Variants in ABL1 observed in about 807,000 individuals in gnomAD.
The protein encoded by ABL1 is tyrosine-protein kinase ABL1.
ABL1 carries 11 observed loss-of-function variants against 94.7 expected under a neutral mutation model. The ratio of observed to expected loss-of-function variants is 0.12; its 90% CI spans 0.07 to 0.19. The LOEUF (loss-of-function observed/expected upper bound fraction) is 0.19. Among genes scored for constraint, ABL1 ranks in the 10% least tolerant of loss-of-function variants. The pLI is 1.00. For synonymous variants in ABL1, 656 were observed against 622.4 expected (o/e 1.05, Z -0.80); for missense variants, 1,082 against 1,489.4 (o/e 0.73, Z 4.50).
At chr9:130,790,090 C>T (rs1324660186) in intron 1 of ABL1, among the ~76,000 whole-genome samples, 1 of 152,208 alleles carries the variant, frequency 6.6e-6, no homozygotes, top group African/African-American at 2.4e-5. Context: ...AACGGAGGCC[C>T]ATAGGCCATG....
intron 7 of ABL1, among the ~76,000 whole-genome samples, chr9:130,877,452 G>A (rs1001240927): frequency 3.4e-5 from 5 of 148,154 alleles, no homozygotes; most frequent in African/African-American, 1.3e-4. Flanking sequence ...TAGGCACAGA[G>A]CTGGTTGGTC....
rs1193750471 is a variant in ABL1, at chr9:130,863,401, ATC to A, written c.822+370_822+371del. Among the ~76,000 whole-genome samples the A allele has an allele frequency of 1.3e-5, 2 of 152,134 alleles. No homozygotes were observed. The highest frequency in any genetic ancestry group is 4.8e-5 in the African/African-American group (2 of 41,418). ...ACCGAGAGTTAAGGAGGAAAAAAAG[ATC>A]TCTGAGTTTTGAAAGAAGATTTAAC... On this transcript the variant is annotated intron_variant, in intron 4 of 10. Transcript: ENST00000318560. This position sits in a 1 kb window ranked among gnomAD's most constrained non-coding sequence, Gnocchi z 4.3.
chr9:130,762,060 T>G (rs987468327), intron 1 of ABL1, among the ~76,000 whole-genome samples: 1 of 151,172 alleles, frequency 6.6e-6, no homozygotes, highest in African/African-American at 2.4e-5. Context: ...GGAGAATCAC[T>G]TGAACCTGGG....
chr9:130,763,342 A>G (rs1327419062), intron 1 of ABL1, among the ~76,000 whole-genome samples: 2 of 146,316 alleles, frequency 1.4e-5, no homozygotes, highest in Non-Finnish European at 3.1e-5. Flanking sequence ...CATTTAATTA[A>G]TTCCATTTAT....
chr9:130,742,688 A>G (rs1344567049), intron 1 of ABL1, among the ~76,000 whole-genome samples: 1 of 152,216 alleles, frequency 6.6e-6, no homozygotes, highest in East Asian at 1.9e-4. Context: ...GGTGGTTCCC[A>G]TTATATAGAG....
chr9:130,880,451 A>G lies in ABL1; in HGVS notation c.1514-49A>G. 1 of 1,606,612 alleles carries G rather than the reference A, an allele frequency of 6.2e-7. No individual in the cohort carries two copies. Among genetic ancestry groups the G allele is most frequent in the Non-Finnish European group, 8.5e-7 (1 of 1,174,888 alleles). On this transcript the variant is annotated intron_variant, in intron 9 of 10. Coordinates refer to ENST00000318560, the MANE Select transcript of ABL1 (RefSeq NM_005157.6). This position sits in a 1 kb window ranked among gnomAD's most constrained non-coding sequence, Gnocchi z 4.4. ...AGAACCACCACACCAAGCCAACACC[A>G]GTACTGATGGCTGCTGGATTTTTGT...
At chr9:130,774,229 T>TA (rs1832286780) in intron 1 of ABL1, among the ~76,000 whole-genome samples, 1 of 152,240 alleles carries the variant, frequency 6.6e-6, no homozygotes, top group South Asian at 2.1e-4. Flanking sequence ...CTAGAACACA[T>TA]ATGAACATAT....
At position 130,880,322 on chromosome 9, in the gene ABL1, G is replaced by A. The variant is rs970477829; in HGVS notation, c.1513+165G>A. On this transcript the variant is annotated intron_variant, in intron 9 of 10. Coordinates refer to ENST00000318560, the MANE Select transcript of ABL1 (RefSeq NM_005157.6). This position sits in a 1 kb window ranked among gnomAD's most constrained non-coding sequence, Gnocchi z 4.4. ...GGAGTATTGTGCTTTCTTGTCTGCTGCAGCCCTGCAGAGTTCTAAGAAATG... is the reference window on the plus strand; with the variant it reads ...GGAGTATTGTGCTTTCTTGTCTGCTACAGCCCTGCAGAGTTCTAAGAAATG... 2.0e-5 allele frequency among the ~76,000 whole-genome samples: 3 copies of A among 152,212 alleles called. No individual in the cohort carries two copies. The highest frequency in any genetic ancestry group is 1.9e-4 in the East Asian group (1 of 5,198).
chr9:130,859,735 C>G (rs543363455), intron 3 of ABL1, among the ~76,000 whole-genome samples: 2 of 117,230 alleles, frequency 1.7e-5, no homozygotes, highest in Non-Finnish European at 3.3e-5. Flanking sequence ...GGCTGGAGTA[C>G]AGTGGCACAA....
At chr9:130,857,327 C>T (rs1293867639) in intron 3 of ABL1, among the ~76,000 whole-genome samples, 6 of 152,216 alleles carry the variant, frequency 3.9e-5, no homozygotes, top group Admixed American at 1.3e-4. Context: ...TTCCCCTTAA[C>T]CCACACCAAC....
chr9:130,864,369 C>T (rs940839819), intron 4 of ABL1, among the ~76,000 whole-genome samples: 2 of 152,112 alleles, frequency 1.3e-5, no homozygotes, highest in Admixed American at 6.5e-5. Context: ...CTCAGCCTCA[C>T]GAGTAGCTGG....
In ABL1 at chr9:130,880,135, C is replaced by T; in HGVS notation, c.1491C>T (p.Phe497=). 6.2e-7 allele frequency: 1 copy of T among 1,614,108 alleles called. No homozygotes were observed. The highest frequency in any genetic ancestry group is 8.5e-7 in the Non-Finnish European group (1 of 1,180,006). Residue 497 remains phenylalanine, a synonymous_variant, in exon 9 of 11, where the codon TTC becomes TTT. Coordinates refer to ENST00000318560, the MANE Select transcript of ABL1 (RefSeq NM_005157.6). The surrounding 1 kb of genome is among the most constrained non-coding windows in gnomAD (Gnocchi z 4.4). ...TCCACCAAGCCTTTGAAACAATGTT[C>T]CAGGAATCCAGTATCTCAGACGGTA... is the stretch of plus-strand genomic sequence containing the variant. ...AEIHQAFETM[F]QESSISDEVE...
At position 130,885,252 on chromosome 9, in the gene ABL1, G is replaced by A. The variant is rs2133039469; in HGVS notation, c.2962G>A (p.Ala988Thr). 1 of 1,613,850 alleles carries A rather than the reference G, an allele frequency of 6.2e-7. No homozygotes were observed. The highest frequency in any genetic ancestry group is 8.5e-7 in the Non-Finnish European group (1 of 1,180,022). The change falls in exon 11 of 11, where the codon GCA becomes ACA. Residue 988 changes from alanine (A) to threonine (T), a missense_variant. This residue lies in a region of ABL1 where 780 missense variants were observed against 835.8 expected (regional missense o/e 0.93). Transcript: ENST00000318560. ...CCCCGTTCCCTCCACGTTGCCATCAGCATCCTCGGCCCTGGCAGGGGACCA... is the reference window on the plus strand; with the variant it reads ...CCCCGTTCCCTCCACGTTGCCATCAACATCCTCGGCCCTGGCAGGGGACCA... ...PAPVPSTLPS[A>T]SSALAGDQPS...
At chr9:130,741,478 C>T (rs1831817466) in intron 1 of ABL1, among the ~76,000 whole-genome samples, 1 of 151,902 alleles carries the variant, frequency 6.6e-6, no homozygotes, top group African/African-American at 2.4e-5. Flanking sequence ...AATTATAGCA[C>T]TGGTATACCA....
chr9:130,823,257 G>A (rs1361820351), intron 1 of ABL1, among the ~76,000 whole-genome samples: 4 of 152,072 alleles, frequency 2.6e-5, no homozygotes, highest in Non-Finnish European at 4.4e-5. Flanking sequence ...CATGTTTCAC[G>A]GGGATGATTT....
Position 130,769,329 on chromosome 9 carries a change from C to CTTTTTTTTTTTTTTTTTTTTTTTTT in ABL1, c.136+54896_136+54897insTTTTTTTTTTTTTTTTTTTTTTTTT, listed in dbSNP as rs372838676. Among the ~76,000 whole-genome samples the CTTTTTTTTTTTTTTTTTTTTTTTTT allele has an allele frequency of 3.7e-4, 31 of 84,322 alleles. 1 individual carries two copies. Among genetic ancestry groups the CTTTTTTTTTTTTTTTTTTTTTTTTT allele is most frequent in the Admixed American group, 1.2e-3 (8 of 6,798 alleles). 55.3% of individuals were successfully genotyped at this position (84,322 alleles called of 152,430 possible). On this transcript the variant is annotated intron_variant, in intron 1 of 10. Transcript: ENST00000372348. ...TGGAGAGCCAAACTATGGCCCTAGT[C>CTTTTTTTTTTTTTTTTTTTTTTTTT]TTTTTTTTTTTTTTTTTTTTTTGAG...
In ABL1 at chr9:130,859,432, C is replaced by T. The variant is rs573206163; in HGVS notation, c.550-3331C>T. On this transcript the variant is annotated intron_variant, in intron 3 of 10. Coordinates refer to ENST00000318560, the MANE Select transcript of ABL1 (RefSeq NM_005157.6). The stretch of plus-strand genomic sequence containing the variant: ...AGGCGTAGGCCTCCTGGTGAAAAGC[C>T]GAGCACATGGCTAACCTGCTCTGGT... 3.9e-4 allele frequency among the ~76,000 whole-genome samples: 60 copies of T among 152,114 alleles called. No individual in the cohort carries two copies. The South Asian group carries it at 7.5e-3, about 19-fold the overall frequency.
chr9:130,846,111 TTGTG>T (rs567957717), intron 1 of ABL1, among the ~76,000 whole-genome samples: 2 of 137,652 alleles, frequency 1.5e-5, no homozygotes, highest in African/African-American at 2.6e-5. Flanking sequence ...GTGTGTGTGC[TTGTG>T]TGTGTGTGTG....
In ABL1 at chr9:130,884,764, C is replaced by T. The variant is rs1352264172; in HGVS notation, c.2474C>T (p.Ala825Val). ...CCCCTCCGGCGGCAGGTCACCGTGG[C>T]CCCTGCCTCGGGCCTCCCCCACAAG... ...PKPLRRQVTV[A>V]PASGLPHKEE... The change falls in exon 11 of 11, where the codon GCC becomes GTC. Residue 825 changes from alanine (A) to valine (V), a missense_variant. Ala to Val is a moderately conservative substitution (Grantham distance 64, BLOSUM62 0). Around this residue, in one of 7 missense-constraint regions of ABL1, gnomAD observed 780 missense variants for 835.8 expected, o/e 0.93. Transcript: ENST00000318560. The surrounding 1 kb of genome is among the most constrained non-coding windows in gnomAD (Gnocchi z 5.6). The T allele has an allele frequency of 6.2e-7, 1 of 1,612,008 alleles. No homozygotes were observed. The highest frequency in any genetic ancestry group is 8.5e-7 in the Non-Finnish European group (1 of 1,179,502).
Sources: allele counts gnomAD v4.1 joint callset (sites outside exome capture counted in the v4.1 genomes callset), GRCh38; gene constraint gnomAD v4.1.1; regional missense constraint gnomAD v4.1.1; non-coding constraint Gnocchi (gnomAD v3.1); transcripts MANE v1.5; gene names NCBI Gene and HGNC (gene_info 2026-07-23, HGNC 2026-07-21).